The following DCLK2 variants were observed in gnomAD, a reference collection of about 807,000 sequenced individuals.
The protein encoded by DCLK2 is serine/threonine-protein kinase DCLK2.
A neutral mutation model predicts 78.4 loss-of-function variants in DCLK2; 31 were observed. The ratio of observed to expected loss-of-function variants is 0.40; its 90% CI spans 0.30 to 0.53. The LOEUF is 0.53. Among genes scored for constraint, DCLK2 ranks in the 20% least tolerant of loss-of-function variants. The pLI is 0.61. For missense variants in DCLK2, 872 were observed against 973.7 expected, an observed-to-expected ratio of 0.90 and a Z score of 1.39; for synonymous variants, 407 against 374.9, an observed-to-expected ratio of 1.09 and a Z score of -0.99.
chr4:150,203,711 T>C, intron 4 of DCLK2, 84 bp from the exon 5 acceptor site: 2 of 1,090,802 alleles, frequency 1.8e-6, no homozygotes, highest in Non-Finnish European at 2.7e-6. Flanking sequence ...GGACCTATAT[T>C]GTGCATGCAC....
intron 2 of DCLK2, among the ~76,000 whole-genome samples, chr4:150,151,830 CAGG>C (rs1239339187): frequency 6.6e-6 from 1 of 151,826 alleles, no homozygotes; most frequent in African/African-American, 2.4e-5. Flanking sequence ...GAGGCTGAGG[CAGG>C]AGAATTACTT....
At chr4:150,248,823 G>T (rs1743521713) in intron 14 of DCLK2, among the ~76,000 whole-genome samples, 1 of 152,112 alleles carries the variant, frequency 6.6e-6, no homozygotes. Context: ...GCTGAGACAG[G>T]ATCGCTTCAG....
At chr4:150,190,243 A>ATAGACAGATAGAT (rs1422818960) in intron 2 of DCLK2, among the ~76,000 whole-genome samples, 2 of 12,050 alleles carry the variant, frequency 1.7e-4, no homozygotes, top group Non-Finnish European at 3.7e-4. Flanking sequence ...AGTTAGATAG[A>ATAGACAGATAGAT]TAGATAGATA....
At chr4:150,158,288 C>T (rs1735464038) in intron 2 of DCLK2, among the ~76,000 whole-genome samples, 1 of 152,178 alleles carries the variant, frequency 6.6e-6, no homozygotes, top group African/African-American at 2.4e-5. Context: ...ATGGCCTACT[C>T]ATATGACCTC....
intron 15 of DCLK2, among the ~76,000 whole-genome samples, chr4:150,252,868 G>A (rs572394623): frequency 6.6e-6 from 1 of 152,308 alleles, no homozygotes; most frequent in Admixed American, 6.5e-5. Context: ...AACTGCTGAT[G>A]TCATGATCCC....
At chr4:150,085,866 C>T (rs1455800288) in intron 1 of DCLK2, among the ~76,000 whole-genome samples, 2 of 152,138 alleles carry the variant, frequency 1.3e-5, no homozygotes, top group Admixed American at 6.6e-5. Context: ...TTTGTTATAG[C>T]GACTTGAACG....
intron 2 of DCLK2, among the ~76,000 whole-genome samples, chr4:150,137,995 T>C (rs1733816622): frequency 6.6e-6 from 1 of 152,214 alleles, no homozygotes; most frequent in African/African-American, 2.4e-5. Flanking sequence ...GATTTTAAAA[T>C]AGAGAAATTA....
intron 2 of DCLK2, among the ~76,000 whole-genome samples, chr4:150,182,718 A>G (rs7670292): frequency 0.62 from 94,935 of 151,976 alleles, 31,284 homozygotes; most frequent in South Asian, 0.79. Flanking sequence ...GACTTGTAAC[A>G]TGACCATTTC....
In DCLK2 at chr4:150,079,578, C is replaced by T. The variant is rs886074691; in HGVS notation, c.421+130C>T. The T allele has an allele frequency of 1.4e-5, 13 of 959,268 alleles. No homozygotes were observed. In the African/African-American group the frequency reaches 1.4e-4, roughly 10 times the overall value. 59.4% of individuals were successfully genotyped at this position (959,268 alleles called of 1,614,324 possible). Reference sequence around the variant, plus strand: ...CGGGAATTGATGCTTCTGTCTGCTTCTCTAGAGATTGGCTGGGGGTGGGGG... The same window carrying T: ...CGGGAATTGATGCTTCTGTCTGCTTTTCTAGAGATTGGCTGGGGGTGGGGG... On this transcript the variant is annotated intron_variant, in intron 1 of 15. Coordinates refer to ENST00000296550, the MANE Select transcript of DCLK2 (RefSeq NM_001040260.4).
chr4:150,228,737 A>G (rs1277842801), intron 8 of DCLK2, among the ~76,000 whole-genome samples: 1 of 152,240 alleles, frequency 6.6e-6, no homozygotes, highest in Non-Finnish European at 1.5e-5. Context: ...AGATAAAACT[A>G]TGGCTGGGGC....
intron 2 of DCLK2, among the ~76,000 whole-genome samples, chr4:150,133,238 T>C (rs1733452636): frequency 6.6e-6 from 1 of 152,150 alleles, no homozygotes; most frequent in Non-Finnish European, 1.5e-5. Context: ...GGACACGTGT[T>C]TACCATATGA....
intron 10 of DCLK2, 23 bp downstream of exon 10, chr4:150,232,851 G>C (rs368051620): frequency 1.0e-5 from 16 of 1,603,766 alleles, no homozygotes; most frequent in Non-Finnish European, 1.4e-5. Context: ...TGCTTTTTCT[G>C]TTCCAATGAA....
intron 15 of DCLK2, chr4:150,253,856 A>G (rs1744366135): frequency 1.0e-6 from 1 of 985,346 alleles, no homozygotes; most frequent in Non-Finnish European, 1.2e-6. Flanking sequence ...GGCTTTTCGG[A>G]AAGAGCAGCT....
intron 2 of DCLK2, among the ~76,000 whole-genome samples, chr4:150,160,644 G>C: frequency 6.6e-6 from 1 of 152,200 alleles, no homozygotes; most frequent in Non-Finnish European, 1.5e-5. Context: ...GCCAAGATTT[G>C]TAATCATTAC....
At chr4:150,243,284 C>G (rs1206137124) in intron 12 of DCLK2, among the ~76,000 whole-genome samples, 2 of 152,272 alleles carry the variant, frequency 1.3e-5, no homozygotes, top group African/African-American at 2.4e-5. Flanking sequence ...CCTTCAGAAG[C>G]AGGTCATAGA....
At position 150,102,772 on chromosome 4, in the gene DCLK2, C is replaced by T; in HGVS notation, c.716C>T (p.Ser239Leu). 6.2e-7 allele frequency: 1 copy of T among 1,613,572 alleles called. No homozygotes were observed. The highest frequency in any genetic ancestry group is 8.5e-7 in the Non-Finnish European group (1 of 1,179,866). ...ATCACCGAAGCCATTAAACTAGACT[C>T]AGGAGTCGTCAAGAGGCTCTGCACC... ...TDITEAIKLDSGVVKRLCTLD... is the reference protein window; with the variant it reads ...TDITEAIKLDLGVVKRLCTLD... The change falls in exon 2 of 16, where the codon TCA becomes TTA. Residue 239 changes from serine to leucine, a missense_variant. Ser to Leu is a moderately radical substitution (Grantham distance 145, BLOSUM62 -2). Coordinates refer to ENST00000296550, the MANE Select transcript of DCLK2 (RefSeq NM_001040260.4).
intron 2 of DCLK2, among the ~76,000 whole-genome samples, chr4:150,109,463 T>A (rs1731506847): frequency 6.6e-6 from 1 of 152,068 alleles, no homozygotes; most frequent in African/African-American, 2.4e-5. Flanking sequence ...GCCTTCCGAG[T>A]AGCTGAGATT....
intron 3 of DCLK2, among the ~76,000 whole-genome samples, chr4:150,194,302 G>C (rs1401739297): frequency 6.6e-6 from 1 of 152,106 alleles, no homozygotes; most frequent in Non-Finnish European, 1.5e-5. Context: ...GTCTGGGTGA[G>C]TACTAGGCTA....
chr4:150,113,074 G>A (rs1276531743), intron 2 of DCLK2, among the ~76,000 whole-genome samples: 7 of 152,032 alleles, frequency 4.6e-5, no homozygotes, highest in Non-Finnish European at 8.8e-5. Flanking sequence ...GCCTCCCAAA[G>A]TGCTGGGAAT....
Sources: gnomAD v4.1 joint callset for allele counts (sites outside exome capture counted in the v4.1 genomes callset) on GRCh38, gnomAD v4.1.1 for gene constraint, MANE v1.5 for transcripts, NCBI Gene and HGNC (gene_info 2026-07-23, HGNC 2026-07-21) for gene names.